FLT1: variants seen among roughly 807,000 people sequenced by gnomAD.
The protein encoded by FLT1 is vascular endothelial growth factor receptor 1.
Under a neutral mutation model 156.3 loss-of-function variants are expected in FLT1, and 49 were observed. The ratio of observed to expected loss-of-function variants is 0.31; its 90% CI spans 0.25 to 0.40. The LOEUF (loss-of-function observed/expected upper bound fraction) is 0.40, where lower values mean the gene tolerates loss of function less well. Ranked by LOEUF, FLT1 falls within the 10% of genes least tolerant of loss-of-function variation. The pLI is 1.00. For synonymous variants in FLT1, 594 were observed against 583.8 expected (o/e 1.02, Z -0.25); for missense variants, 1,322 against 1,637.2 (o/e 0.81, Z 3.32).
At chr13:28,343,374 C>T (rs1457208170) in intron 16 of FLT1, among the ~76,000 whole-genome samples, 1 of 151,604 alleles carries the variant, frequency 6.6e-6, no homozygotes, top group Non-Finnish European at 1.5e-5. Flanking sequence ...GATCTCGGCT[C>T]ACTGCAACCT....
chr13:28,330,651 A>G (rs991131518), intron 18 of FLT1, among the ~76,000 whole-genome samples: 5 of 146,774 alleles, frequency 3.4e-5, no homozygotes, highest in Non-Finnish European at 5.9e-5. Context: ...CTATTTAAAA[A>G]ATCTATTTCC....
At chr13:28,411,546 C>CA (rs71086852) in intron 10 of FLT1, among the ~76,000 whole-genome samples, 8,070 of 84,492 alleles carry the variant, frequency 0.096, 375 homozygotes, top group South Asian at 0.15. Context: ...AACTCCATCT[C>CA]AAAAAAAAAA....
At chr13:28,391,450 G>A (rs1052995422) in intron 12 of FLT1, among the ~76,000 whole-genome samples, 10 of 152,186 alleles carry the variant, frequency 6.6e-5, no homozygotes, top group South Asian at 2.1e-4. Context: ...GAATGCAACC[G>A]TTTTTCTCTC....
intron 14 of FLT1, among the ~76,000 whole-genome samples, chr13:28,370,990 A>C (rs1172653716): frequency 6.6e-6 from 1 of 152,242 alleles, no homozygotes; most frequent in East Asian, 1.9e-4. Context: ...TCAATAGAGG[A>C]GTAGTTACAT....
At chr13:28,308,438 C>T (rs1870844242) in intron 28 of FLT1, 1 of 313,842 alleles carries the variant, frequency 3.2e-6, no homozygotes, top group Non-Finnish European at 6.2e-6. Context: ...GAGCATAAGG[C>T]TTAGGTGGAC....
intron 28 of FLT1, among the ~76,000 whole-genome samples, chr13:28,307,746 C>T (rs372071030): frequency 3.3e-5 from 5 of 151,994 alleles, no homozygotes; most frequent in African/African-American, 9.6e-5. Flanking sequence ...CTTCCAGGCC[C>T]TTTATGGGAC....
chr13:28,362,556 T>C (rs1873148228), intron 14 of FLT1, among the ~76,000 whole-genome samples: 2 of 152,172 alleles, frequency 1.3e-5, no homozygotes, highest in South Asian at 2.1e-4. Flanking sequence ...CAGTGGCTCA[T>C]GCCTATAATC....
At chr13:28,436,604 G>C (rs1878037854) in intron 4 of FLT1, among the ~76,000 whole-genome samples, 1 of 152,126 alleles carries the variant, frequency 6.6e-6, no homozygotes, top group Admixed American at 6.5e-5. Flanking sequence ...TCCCATGAAA[G>C]AGAACGTTTC....
intron 18 of FLT1, among the ~76,000 whole-genome samples, chr13:28,330,801 C>T (rs1425006188): frequency 1.3e-5 from 2 of 152,044 alleles, no homozygotes; most frequent in East Asian, 1.9e-4. Flanking sequence ...GCAACCTCCA[C>T]CTCCTGGGTT....
At chr13:28,362,587 G>T (rs1226676145) in intron 14 of FLT1, among the ~76,000 whole-genome samples, 1 of 152,156 alleles carries the variant, frequency 6.6e-6, no homozygotes, top group African/African-American at 2.4e-5. Flanking sequence ...TGGAGGCCGA[G>T]GTGGGCAGAT....
intron 1 of FLT1, among the ~76,000 whole-genome samples, chr13:28,493,420 T>C (rs1024913865): frequency 6.6e-6 from 1 of 152,324 alleles, no homozygotes; most frequent in East Asian, 1.9e-4. Context: ...TCCAATCTAA[T>C]TGGAACTATT....
intron 11 of FLT1, among the ~76,000 whole-genome samples, chr13:28,403,794 A>T (rs1875608829): frequency 6.6e-6 from 1 of 152,230 alleles, no homozygotes. Context: ...CTGTAATCCC[A>T]GAACTTTGGG....
intron 11 of FLT1, among the ~76,000 whole-genome samples, chr13:28,397,749 CGTGTGTGTGTGTGTGTGTGTGTGTGTGT>C (rs35710786): frequency 7.7e-6 from 1 of 129,798 alleles, no homozygotes. Flanking sequence ...TGAAGGAGAC[CGTGTGTGTGTGTGTGTGTGTGTGTGTGT>C]GTGTGTGTGT....
Position 28,390,011 on chromosome 13 carries a change from C to G in FLT1, c.1754G>C (p.Arg585Thr). Residue 585 changes from arginine (R) to threonine (T), a missense_variant, in exon 13 of 30, where the codon AGA (arginine) becomes ACA (threonine). Physicochemically the swap from Arg to Thr is moderately conservative, Grantham distance 71 (BLOSUM62 -1). This residue lies in a region of FLT1 where 991 missense variants were observed against 1,254.8 expected (regional missense o/e 0.79). Coordinates refer to ENST00000282397, the MANE Select transcript of FLT1 (RefSeq NM_002019.4). ...LSCTVNKFLY[R>T]DVTWILLRTV... ...CCGCAGTAAAATCCAAGTAACGTCT[C>G]TGTATAAGAACTTGTTAACTGTGCA... is the stretch of plus-strand genomic sequence containing the variant. The G allele has an allele frequency of 6.2e-7, 1 of 1,614,166 alleles. No individual in the cohort carries two copies. The highest frequency in any genetic ancestry group is 1.1e-5 in the South Asian group (1 of 91,082).
rs56340749 is a variant in FLT1, at chr13:28,302,812, TG to T, written c.*354del. 29,010 of 306,282 alleles carry T rather than the reference TG, an allele frequency of 0.095. 4,007 individuals are homozygous for T. Among genetic ancestry groups the T allele is most frequent in the African/African-American group, 0.39 (18,450 of 46,758 alleles). 19.0% of individuals were successfully genotyped at this position (306,282 alleles called of 1,614,324 possible). A position where few individuals can be genotyped will look rare whatever the true frequency, so the allele number is the denominator to read the frequency against. ...GTTTTGGGCTGCAGGGCTGGCCCAG[TG>T]GGGTACGTGATGCATTGGGTGATCA... is the stretch of plus-strand genomic sequence containing the variant. On this transcript the variant is annotated 3_prime_UTR_variant, in exon 30 of 30. Transcript: ENST00000282397.
chr13:28,482,440 T>C (rs1213163023), intron 1 of FLT1, among the ~76,000 whole-genome samples: 1 of 147,898 alleles, frequency 6.8e-6, no homozygotes, highest in East Asian at 2.0e-4. Context: ...AAAAAAAGCC[T>C]GGACAACAAA....
chr13:28,435,569 GA>G (rs1301143217), intron 4 of FLT1, among the ~76,000 whole-genome samples: 4 of 152,122 alleles, frequency 2.6e-5, no homozygotes, highest in African/African-American at 9.7e-5. Context: ...AAAGAAGCTC[GA>G]AACCTTTTCT....
At chr13:28,318,725 A>AT (rs1293093711) in intron 24 of FLT1, among the ~76,000 whole-genome samples, 1 of 152,138 alleles carries the variant, frequency 6.6e-6, no homozygotes, top group African/African-American at 2.4e-5. Flanking sequence ...TGAAAGGCAA[A>AT]TTTTTGGCAA....
At chr13:28,345,748 G>A (rs905333210) in intron 15 of FLT1, 197 bp from the exon 16 acceptor site, 8 of 576,810 alleles carry the variant, frequency 1.4e-5, no homozygotes, top group African/African-American at 1.1e-4. Context: ...CATAGAAAAG[G>A]CAGTATACAT....
Sources: allele counts gnomAD v4.1 joint callset (sites outside exome capture counted in the v4.1 genomes callset), GRCh38; gene constraint gnomAD v4.1.1; regional missense constraint gnomAD v4.1.1; transcripts MANE v1.5; gene names NCBI Gene and HGNC (gene_info 2026-07-23, HGNC 2026-07-21).